Variants in FAM178B observed in about 807,000 individuals in gnomAD.
FAM178B encodes family with sequence similarity 178 member B.
FAM178B carries 82 observed loss-of-function variants against 91.7 expected under a neutral mutation model. The ratio of observed to expected loss-of-function variants is 0.89; its 90% confidence interval spans 0.75 to 1.07. The LOEUF (loss-of-function observed/expected upper bound fraction) is 1.07. Ranked by LOEUF, FAM178B falls within the 50% of genes least tolerant of loss-of-function variation. The probability of loss-of-function intolerance (pLI) is 0.00; values close to 1 mark genes in which losing one functional copy is unlikely to be tolerated. For synonymous variants in FAM178B, 368 were observed against 359.4 expected (o/e 1.02, Z -0.27); for missense variants, 769 against 846.7 (o/e 0.91, Z 1.14).
At chr2:96,933,248 A>C (rs1277663801) in intron 8 of FAM178B, among the ~76,000 whole-genome samples, 1 of 152,012 alleles carries the variant, frequency 6.6e-6, no homozygotes, top group Non-Finnish European at 1.5e-5. Context: ...GTTTCATAAA[A>C]AAATAAAAAA....
chr2:96,970,847 A>G, intron 3 of FAM178B, 70 bp from the exon 4 acceptor site: 1 of 1,079,840 alleles, frequency 9.3e-7, no homozygotes, highest in South Asian at 1.4e-5. Context: ...AAGAAAAAAA[A>G]CTAAATTAAG....
At chr2:96,981,122 T>C (rs567647616) in intron 1 of FAM178B, among the ~76,000 whole-genome samples, 1 of 152,192 alleles carries the variant, frequency 6.6e-6, no homozygotes, top group East Asian at 1.9e-4. Context: ...CCCGCCACCA[T>C]GCCCAGTTAA....
intron 14 of FAM178B, among the ~76,000 whole-genome samples, chr2:96,885,391 C>G (rs997985049): frequency 6.6e-6 from 1 of 152,256 alleles, no homozygotes; most frequent in Non-Finnish European, 1.5e-5. Flanking sequence ...ATCCGAGACC[C>G]TTCACAGCGG....
intron 14 of FAM178B, among the ~76,000 whole-genome samples, chr2:96,889,303 T>G (rs2153368093): frequency 6.6e-6 from 1 of 152,228 alleles, no homozygotes; most frequent in African/African-American, 2.4e-5. Context: ...GGAGAAAAAC[T>G]TCCATCCCAC....
intron 12 of FAM178B, among the ~76,000 whole-genome samples, chr2:96,908,667 C>T (rs776189319): frequency 6.6e-5 from 10 of 152,162 alleles, no homozygotes; most frequent in Non-Finnish European, 1.5e-4. Context: ...ACATTCTGTC[C>T]CATGGTCAGG....
At chr2:96,890,101 C>A (rs1404104532) in intron 14 of FAM178B, among the ~76,000 whole-genome samples, 1 of 152,080 alleles carries the variant, frequency 6.6e-6, no homozygotes, top group Non-Finnish European at 1.5e-5. Context: ...CATGGCAAAA[C>A]CCGTCTCTAC....
Position 96,893,992 on chromosome 2 carries a change from C to G in FAM178B, c.1710G>C (p.Leu570=). Reference sequence around the variant, plus strand: ...GGCAGGGTGGCAAGGGCACAGAGTCCAGGTATTGCCTGAGAGATGATGGCC... The same window carrying G: ...GGCAGGGTGGCAAGGGCACAGAGTCGAGGTATTGCCTGAGAGATGATGGCC... ...LMRPSSLRQY[L]DSVPLPPCQE... Residue 570 remains leucine (L), a synonymous_variant, in exon 14 of 17, where the codon CTG becomes CTC. Transcript: ENST00000490605. The G allele has an allele frequency of 6.2e-7, 1 of 1,612,810 alleles. No homozygotes were observed.
At chr2:96,971,824 T>C in intron 3 of FAM178B, 77 bp downstream of exon 3, 1 of 1,327,866 alleles carries the variant, frequency 7.5e-7, no homozygotes, top group South Asian at 1.7e-5. Context: ...CAGGAGAGGG[T>C]GGCCTGGGGT....
chr2:96,970,150 A>G (rs2082197903), intron 4 of FAM178B, among the ~76,000 whole-genome samples: 1 of 152,274 alleles, frequency 6.6e-6, no homozygotes, highest in East Asian at 1.9e-4. Flanking sequence ...GGGATTTCCA[A>G]TCTCATCAGA....
chr2:96,893,875 T>C (rs1559055216), intron 14 of FAM178B, 51 bp downstream of exon 14: 3 of 1,584,496 alleles, frequency 1.9e-6, no homozygotes, highest in Non-Finnish European at 1.7e-6. Context: ...CCCTGCTACC[T>C]GTGGTGGTGG....
intron 14 of FAM178B, among the ~76,000 whole-genome samples, chr2:96,887,636 G>C (rs2080561065): frequency 1.3e-5 from 2 of 152,238 alleles, no homozygotes; most frequent in Admixed American, 1.3e-4. Context: ...ATGTGCAGCA[G>C]TGAAGCCATG....
intron 10 of FAM178B, among the ~76,000 whole-genome samples, chr2:96,923,259 C>T (rs768649703): frequency 1.6e-4 from 24 of 152,228 alleles, no homozygotes; most frequent in Non-Finnish European, 3.2e-4. Context: ...AGGCATGAGC[C>T]ACCATGCCTG....
At chr2:96,949,455 G>A (rs771174165) in intron 7 of FAM178B, among the ~76,000 whole-genome samples, 16 of 152,144 alleles carry the variant, frequency 1.1e-4, no homozygotes, top group Non-Finnish European at 1.5e-4. Context: ...CTTGGCCATG[G>A]AACCTGCAGG....
Position 96,921,461 on chromosome 2 carries a change from CT to C in FAM178B, c.1464+16del, listed in dbSNP as rs566018335. The C allele has an allele frequency of 4.0e-4, 622 of 1,551,470 alleles. 4 individuals carry two copies. The highest frequency in any genetic ancestry group is 2.3e-3 in the Middle Eastern group (14 of 6,002). On this transcript the variant is annotated intron_variant, in intron 11 of 16. Coordinates refer to ENST00000490605, the MANE Select transcript of FAM178B (RefSeq NM_001122646.3). ...GTGATGAAGCTGTATGAGGACCAGG[CT>C]CTGGGCGTCTAGTACCTTCCCTGGC...
At chr2:96,955,292 T>C (rs1317584285) in intron 6 of FAM178B, among the ~76,000 whole-genome samples, 1 of 152,028 alleles carries the variant, frequency 6.6e-6, no homozygotes, top group Admixed American at 6.6e-5. Context: ...GGGAAGATCA[T>C]GAGGTCAGGA....
intron 14 of FAM178B, 66 bp from the exon 15 acceptor site, chr2:96,878,559 A>C: frequency 7.0e-7 from 1 of 1,419,276 alleles, no homozygotes; most frequent in Admixed American, 1.7e-5. Context: ...CGTGCCCTCC[A>C]CCTGCACACT....
intron 12 of FAM178B, among the ~76,000 whole-genome samples, chr2:96,918,940 G>A (rs1478996275): frequency 4.6e-5 from 7 of 152,098 alleles, no homozygotes; most frequent in South Asian, 4.1e-4. Context: ...CCCCAGTCAC[G>A]TACCCACGGC....
chr2:96,981,441 G>A (rs1045465506), intron 1 of FAM178B, among the ~76,000 whole-genome samples: 1 of 152,146 alleles, frequency 6.6e-6, no homozygotes, highest in Non-Finnish European at 1.5e-5. Context: ...CTTTAATGTA[G>A]CCCAATTTAT....
At chr2:96,880,528 CCTTTTTT>C (rs1425594286) in intron 14 of FAM178B, among the ~76,000 whole-genome samples, 1 of 152,178 alleles carries the variant, frequency 6.6e-6, no homozygotes, top group Non-Finnish European at 1.5e-5. Flanking sequence ...TTTCCTTTTT[CCTTTTTT>C]AAGATTATTT....
Sources: allele counts gnomAD v4.1 joint callset (sites outside exome capture counted in the v4.1 genomes callset), GRCh38; gene constraint gnomAD v4.1.1; transcripts MANE v1.5; gene names NCBI Gene and HGNC (gene_info 2026-07-23, HGNC 2026-07-21).